GRXCR1: variants seen among roughly 807,000 people sequenced by gnomAD.
The protein encoded by GRXCR1 is glutaredoxin domain-containing cysteine-rich protein 1.
In GRXCR1, 27 loss-of-function variants were observed where a neutral mutation model predicts 27.3. The observed-to-expected ratio is 0.99, with a 90% confidence interval of 0.73 to 1.37. The LOEUF is 1.37. Ranked by LOEUF, GRXCR1 falls within the 40% of genes most tolerant of loss-of-function variation. The pLI is 0.00. For missense variants in GRXCR1, 379 were observed against 354.4 expected, an observed-to-expected ratio of 1.07 and a Z score of -0.56; for synonymous variants, 122 against 131.1, an observed-to-expected ratio of 0.93 and a Z score of 0.47.
At position 42,975,250 on chromosome 4, in the gene GRXCR1, C is replaced by T. The variant is rs145112181; in HGVS notation, c.627+12116C>T. Among the ~76,000 whole-genome samples, 544 of 152,138 alleles carry T rather than the reference C, an allele frequency of 3.6e-3. 5 individuals are homozygous for T. Among genetic ancestry groups the T allele is most frequent in the African/African-American group, 0.011 (456 of 41,534 alleles). On this transcript the variant is annotated intron_variant, in intron 2 of 3. Transcript: ENST00000399770. ...CTATAAGTCTACGATAGTCCCTGGG[C>T]CTAGAGGGATTGAATAGTTTTAATA...
chr4:43,019,601 T>C (rs1284198015), intron 2 of GRXCR1, among the ~76,000 whole-genome samples: 1 of 152,158 alleles, frequency 6.6e-6, no homozygotes, highest in African/African-American at 2.4e-5. Context: ...AGTAGAGTGG[T>C]AGAATGGGAA....
At chr4:42,897,297 AC>A (rs907814532) in intron 1 of GRXCR1, among the ~76,000 whole-genome samples, 14 of 152,096 alleles carry the variant, frequency 9.2e-5, no homozygotes, top group Admixed American at 9.2e-4. Context: ...TACATTTCAG[AC>A]AGCGATTTTT....
At chr4:43,013,944 G>A (rs113209529) in intron 2 of GRXCR1, among the ~76,000 whole-genome samples, 4,712 of 150,894 alleles carry the variant, frequency 0.031, 74 homozygotes, top group African/African-American at 0.04. Flanking sequence ...ATGGGAAATT[G>A]TTCTTTACAA....
At chr4:43,019,827 C>T (rs892286468) in intron 2 of GRXCR1, among the ~76,000 whole-genome samples, 29 of 152,092 alleles carry the variant, frequency 1.9e-4, no homozygotes, top group Admixed American at 3.9e-4. Flanking sequence ...GAGTCTGCTA[C>T]GGCAAAGGAG....
chr4:42,985,505 C>G (rs1272870521), intron 2 of GRXCR1, among the ~76,000 whole-genome samples: 1 of 151,998 alleles, frequency 6.6e-6, no homozygotes, highest in African/African-American at 2.4e-5. Flanking sequence ...TCTAATGGAA[C>G]TTGCAGTCAG....
intron 1 of GRXCR1, 51 bp from the exon 2 acceptor site, chr4:42,962,841 A>G: frequency 6.2e-7 from 1 of 1,606,460 alleles, no homozygotes; most frequent in Non-Finnish European, 8.5e-7. Flanking sequence ...AAATCATAAG[A>G]CACAAGAAAG....
intron 2 of GRXCR1, among the ~76,000 whole-genome samples, chr4:42,978,208 T>C (rs1366261820): frequency 6.6e-6 from 1 of 152,140 alleles, no homozygotes; most frequent in East Asian, 1.9e-4. Context: ...TTGGCTACTA[T>C]AGCTTTGTAG....
intron 1 of GRXCR1, among the ~76,000 whole-genome samples, chr4:42,901,183 A>G (rs1408292946): frequency 1.3e-5 from 2 of 152,186 alleles, no homozygotes; most frequent in African/African-American, 4.8e-5. Flanking sequence ...TGCGGTATCC[A>G]TATTCAGAAG....
At chr4:42,919,823 T>G (rs1445401286) in intron 1 of GRXCR1, among the ~76,000 whole-genome samples, 1 of 152,188 alleles carries the variant, frequency 6.6e-6, no homozygotes, top group Non-Finnish European at 1.5e-5. Flanking sequence ...TGTAAATTTC[T>G]ATAATATAAA....
intron 2 of GRXCR1, among the ~76,000 whole-genome samples, chr4:43,001,385 A>C (rs77690611): frequency 6.6e-6 from 1 of 152,148 alleles, no homozygotes; most frequent in Non-Finnish European, 1.5e-5. Flanking sequence ...ACTTTGCAGA[A>C]GGTCAAGCTC....
intron 1 of GRXCR1, among the ~76,000 whole-genome samples, chr4:42,926,491 A>C (rs1747160793): frequency 6.9e-6 from 1 of 144,086 alleles, no homozygotes. Context: ...ATTTGGGAAT[A>C]CTGTTTTTTT....
At chr4:42,949,201 C>T (rs577056587) in intron 1 of GRXCR1, among the ~76,000 whole-genome samples, 1 of 151,306 alleles carries the variant, frequency 6.6e-6, no homozygotes, top group Non-Finnish European at 1.5e-5. Context: ...TAAAAATACA[C>T]ACACACACAA....
intron 2 of GRXCR1, among the ~76,000 whole-genome samples, chr4:42,984,821 G>T (rs528077675): frequency 1.3e-5 from 2 of 152,322 alleles, no homozygotes; most frequent in South Asian, 2.1e-4. Context: ...GTGTGGACTG[G>T]ATATCAATTC....
chr4:42,938,936 G>C (rs925446408), intron 1 of GRXCR1, among the ~76,000 whole-genome samples: 2 of 151,448 alleles, frequency 1.3e-5, no homozygotes, highest in Non-Finnish European at 2.9e-5. Context: ...GAAATTATGT[G>C]ATGTGATTCC....
At chr4:43,029,035 C>G (rs935372936) in intron 3 of GRXCR1, among the ~76,000 whole-genome samples, 2 of 152,110 alleles carry the variant, frequency 1.3e-5, no homozygotes, top group Non-Finnish European at 2.9e-5. Context: ...AGAAAATGCC[C>G]ATTTATATTG....
intron 2 of GRXCR1, among the ~76,000 whole-genome samples, chr4:43,003,913 C>T (rs2109798315): frequency 6.6e-6 from 1 of 152,272 alleles, no homozygotes; most frequent in Admixed American, 6.5e-5. Flanking sequence ...AAGCTGGCTG[C>T]AGAAATTTAC....
chr4:43,007,216 T>A (rs940956677), intron 2 of GRXCR1, among the ~76,000 whole-genome samples: 1 of 152,234 alleles, frequency 6.6e-6, no homozygotes, highest in Middle Eastern at 3.2e-3. Context: ...CAGTTAGACC[T>A]TCTGGCATTG....
intron 2 of GRXCR1, among the ~76,000 whole-genome samples, chr4:43,008,326 C>T (rs904994292): frequency 4.6e-5 from 7 of 152,144 alleles, no homozygotes; most frequent in Admixed American, 3.3e-4. Flanking sequence ...ACAGACCTGC[C>T]TATGTCTTTT....
intron 1 of GRXCR1, among the ~76,000 whole-genome samples, chr4:42,961,215 G>T (rs1748123881): frequency 6.6e-6 from 1 of 151,850 alleles, no homozygotes; most frequent in Non-Finnish European, 1.5e-5. Flanking sequence ...ATTCCATGGT[G>T]CATATGTACC....
Sources: allele counts gnomAD v4.1 joint callset (sites outside exome capture counted in the v4.1 genomes callset), GRCh38; gene constraint gnomAD v4.1.1; transcripts MANE v1.5; gene names NCBI Gene and HGNC (gene_info 2026-07-23, HGNC 2026-07-21).